RUNX1: variants seen among roughly 807,000 people sequenced by gnomAD.
The protein encoded by RUNX1 is runt-related transcription factor 1.
A neutral mutation model predicts 42.8 loss-of-function variants in RUNX1; 19 were observed. The observed-to-expected ratio is 0.44, with a 90% CI of 0.31 to 0.65. The LOEUF (loss-of-function observed/expected upper bound fraction) is 0.65, where lower values mean the gene tolerates loss of function less well. RUNX1 is among the 30% of genes least tolerant of loss of function. The pLI, the probability that RUNX1 is intolerant of heterozygous loss-of-function variation, is 0.07. For synonymous variants in RUNX1, 271 were observed against 289.4 expected (o/e 0.94, Z 0.64); for missense variants, 528 against 672.0 (o/e 0.79, Z 2.37).
At position 34,788,797 on chromosome 21, in the gene RUNX1, T is replaced by C. The variant is rs1369130619; in HGVS notation, c.*3338A>G. 2 of 233,578 alleles carry C rather than the reference T, an allele frequency of 8.6e-6. No individual in the cohort carries two copies. The highest frequency in any genetic ancestry group is 1.7e-5 in the Non-Finnish European group (2 of 118,026). 14.5% of individuals were successfully genotyped at this position (233,578 alleles called of 1,614,324 possible). ...AAAGGCATTTTGTTCAGATGTAAAA[T>C]ATGTTTTGTGAGATTATTGTCAAAC... On this transcript the variant is annotated 3_prime_UTR_variant, in exon 9 of 9. Coordinates refer to ENST00000675419, the MANE Select transcript of RUNX1 (RefSeq NM_001754.5).
At chr21:34,964,164 C>T (rs2146717024) in intron 2 of RUNX1, among the ~76,000 whole-genome samples, 1 of 152,202 alleles carries the variant, frequency 6.6e-6, no homozygotes, top group Middle Eastern at 3.4e-3. Context: ...ACAAGTGATG[C>T]CAACAGCAGC....
At position 34,978,937 on chromosome 21, in the gene RUNX1, T is replaced by TATACACACAC. The variant is rs71319521; in HGVS notation, c.58+69904_58+69905insGTGTGTGTAT. Among the ~76,000 whole-genome samples, 102 of 134,150 alleles carry TATACACACAC rather than the reference T, an allele frequency of 7.6e-4. No homozygotes were observed. The East Asian group carries it at 0.013, about 17-fold the overall frequency. 88.0% of individuals were successfully genotyped at this position (134,150 alleles called of 152,430 possible). ...TTCTCAGACAAAACACACACACAGA[T>TATACACACAC]ACACACACACACACACACACACACA... On this transcript the variant is annotated intron_variant, in intron 2 of 8. Transcript: ENST00000675419.
At chr21:34,893,737 C>T (rs1460118106) in intron 2 of RUNX1, among the ~76,000 whole-genome samples, 1 of 149,704 alleles carries the variant, frequency 6.7e-6, no homozygotes, top group Non-Finnish European at 1.5e-5. Context: ...AGACCTAAAG[C>T]TTTCAACTCC....
Position 35,029,071 on chromosome 21 carries a change from C to A in RUNX1, c.58+19771G>T, listed in dbSNP as rs192774835. On this transcript the variant is annotated intron_variant, in intron 2 of 8. Coordinates refer to ENST00000675419, the MANE Select transcript of RUNX1 (RefSeq NM_001754.5). ...CCAAACGATGGATGCTTGCCCTTCA[C>A]ACTCACTGCCTAGTGATGGAGCTCT... Among the ~76,000 whole-genome samples the A allele has an allele frequency of 2.6e-5, 4 of 152,294 alleles. No individual in the cohort carries two copies. In the East Asian group the frequency reaches 7.7e-4, roughly 29 times the overall value.
rs372412304 is a variant in RUNX1, at chr21:34,930,270, G to GTGTGTGTATATA, written c.59-37308_59-37307insTATATACACACA. Among the ~76,000 whole-genome samples, 15 of 123,014 alleles carry GTGTGTGTATATA rather than the reference G, an allele frequency of 1.2e-4. 1 individual carries two copies. Among genetic ancestry groups the GTGTGTGTATATA allele is most frequent in the East Asian group, 6.7e-4 (3 of 4,458 alleles). The allele number at this position is 123,014 out of a possible 152,430, so 80.7% of individuals were successfully genotyped here. A position where few individuals can be genotyped will look rare whatever the true frequency, so the allele number is the denominator to read the frequency against. ...ATGTATATTATACGTGTGTGTGTATGTATATATATATATATATATATAAAT... is the reference window on the plus strand; with the variant it reads ...ATGTATATTATACGTGTGTGTGTATGTGTGTGTATATATATATATATATATATATATATAAAT... On this transcript the variant is annotated intron_variant, in intron 2 of 8. Transcript: ENST00000675419.
intron 7 of RUNX1, among the ~76,000 whole-genome samples, chr21:34,826,655 G>T (rs2056993014): frequency 6.6e-6 from 1 of 151,808 alleles, no homozygotes; most frequent in South Asian, 2.1e-4. Context: ...ATGTTGGCCA[G>T]CCTGCTCTCG....
At chr21:34,845,724 A>G (rs552648458) in intron 6 of RUNX1, among the ~76,000 whole-genome samples, 2 of 150,814 alleles carry the variant, frequency 1.3e-5, no homozygotes, top group South Asian at 2.1e-4. Context: ...CCCACCCCCA[A>G]CTTTTTTTTT....
chr21:34,821,566 G>A, intron 7 of RUNX1: 1 of 1,543,148 alleles, frequency 6.5e-7, no homozygotes. Flanking sequence ...CGTGCATTCT[G>A]AGGGCTGTCA....
Position 34,940,282 on chromosome 21 carries a change from C to T in RUNX1, c.59-47319G>A, listed in dbSNP as rs148413626. On this transcript the variant is annotated intron_variant, in intron 2 of 8. Transcript: ENST00000675419. ...GTTTCCACATGAGCCCCAGCCTAGA[C>T]TTCTTGGACCCTAAGTAAAGAGTTC... Among the ~76,000 whole-genome samples the T allele has an allele frequency of 7.2e-5, 11 of 152,320 alleles. No homozygotes were observed. The East Asian group carries it at 2.1e-3, about 29-fold the overall frequency.
chr21:34,964,074 G>C (rs2058700738), intron 2 of RUNX1, among the ~76,000 whole-genome samples: 1 of 152,196 alleles, frequency 6.6e-6, no homozygotes, highest in Admixed American at 6.5e-5. Flanking sequence ...ACTGCGATAA[G>C]GGTCTAGCCC....
At chr21:34,860,615 G>T (rs2057560616) in intron 5 of RUNX1, among the ~76,000 whole-genome samples, 1 of 151,956 alleles carries the variant, frequency 6.6e-6, no homozygotes, top group Admixed American at 6.6e-5. Context: ...CCTAACATTT[G>T]ATTAAGTCTG....
chr21:34,975,384 A>G (rs1388644425), intron 2 of RUNX1, among the ~76,000 whole-genome samples: 2 of 152,224 alleles, frequency 1.3e-5, no homozygotes, highest in African/African-American at 4.8e-5. Context: ...TTTTCCTGTC[A>G]TTCTTCCCTA....
In RUNX1 at chr21:34,849,359, ATATAT is replaced by A. The variant is rs1298264110; in HGVS notation, c.613+10110_613+10114del. Reference sequence around the variant, plus strand: ...ATATATATTATATATAGTATATATAATATATTATATATACTATATACATAGTATAT... The same window carrying A: ...ATATATATTATATATAGTATATATAATATATATACTATATACATAGTATAT... On this transcript the variant is annotated intron_variant, in intron 6 of 8. Transcript: ENST00000675419. Among the ~76,000 whole-genome samples the A allele has an allele frequency of 2.6e-3, 84 of 32,524 alleles. 11 individuals carry two copies. The highest frequency in any genetic ancestry group is 7.6e-3 in the African/African-American group (74 of 9,674). 21.3% of individuals were successfully genotyped at this position (32,524 alleles called of 152,430 possible).
intron 2 of RUNX1, among the ~76,000 whole-genome samples, chr21:34,915,680 T>C (rs1187481246): frequency 1.3e-5 from 2 of 152,208 alleles, no homozygotes; most frequent in Non-Finnish European, 2.9e-5. Context: ...GTGGAAGGTG[T>C]TGTCAGACCA....
chr21:34,909,072 A>G (rs953149063), intron 2 of RUNX1, among the ~76,000 whole-genome samples: 7 of 152,134 alleles, frequency 4.6e-5, no homozygotes, highest in Non-Finnish European at 1.0e-4. Flanking sequence ...TTAAACCTGA[A>G]TCTTAAAGTT....
chr21:34,891,705 A>ATT (rs199564487), intron 3 of RUNX1, among the ~76,000 whole-genome samples: 4 of 126,018 alleles, frequency 3.2e-5, no homozygotes, highest in Non-Finnish European at 3.5e-5. Context: ...ATAATGCAAA[A>ATT]TTAAAAAAAA....
chr21:35,040,633 G>A (rs1450577383), intron 2 of RUNX1, among the ~76,000 whole-genome samples: 2 of 151,830 alleles, frequency 1.3e-5, no homozygotes, highest in African/African-American at 2.4e-5. Flanking sequence ...TTAGCCGGGC[G>A]TGGTGGCACA....
At chr21:34,969,015 A>G (rs139058753) in intron 2 of RUNX1, among the ~76,000 whole-genome samples, 16 of 152,296 alleles carry the variant, frequency 1.1e-4, no homozygotes, top group African/African-American at 2.9e-4. Context: ...GCAGAAAGGT[A>G]TAAGTCAGGC....
At chr21:34,889,691 C>T (rs963027280) in intron 3 of RUNX1, 4 of 1,167,582 alleles carry the variant, frequency 3.4e-6, no homozygotes, top group Non-Finnish European at 4.3e-6. Context: ...GCTTCGCGTG[C>T]GGGCGGCCGC....
Sources: gnomAD v4.1 joint callset for allele counts (sites outside exome capture counted in the v4.1 genomes callset) on GRCh38, gnomAD v4.1.1 for gene constraint, MANE v1.5 for transcripts, NCBI Gene and HGNC (gene_info 2026-07-23, HGNC 2026-07-21) for gene names.